The following IQGAP2 variants were observed in gnomAD, a reference collection of about 807,000 sequenced individuals.
IQGAP2 encodes the protein IQ motif containing GTPase activating protein 2, also known as ras GTPase-activating-like protein IQGAP2.
In IQGAP2, 173 loss-of-function variants were observed where a neutral mutation model predicts 201.3. The ratio of observed to expected loss-of-function variants is 0.86; its 90% CI spans 0.76 to 0.98. The LOEUF (loss-of-function observed/expected upper bound fraction) is 0.98. IQGAP2 is among the 50% of genes least tolerant of loss of function. The probability of loss-of-function intolerance (pLI) is 0.00; values close to 1 mark genes in which losing one functional copy is unlikely to be tolerated. For missense variants in IQGAP2, 1,687 were observed against 1,864.8 expected, an observed-to-expected ratio of 0.90 and a Z score of 1.76; for synonymous variants, 675 against 673.9, an observed-to-expected ratio of 1.00 and a Z score of -0.03.
chr5:76,491,794 A>G (rs533648693), intron 2 of IQGAP2, among the ~76,000 whole-genome samples: 1 of 152,188 alleles, frequency 6.6e-6, no homozygotes, highest in South Asian at 2.1e-4. Flanking sequence ...TGCCTAATTT[A>G]TATGTCTCGG....
At chr5:76,653,453 A>C (rs754975517) in intron 18 of IQGAP2, among the ~76,000 whole-genome samples, 20 of 152,194 alleles carry the variant, frequency 1.3e-4, no homozygotes, top group Non-Finnish European at 2.8e-4. Context: ...AAGTAGAATC[A>C]GATTAGTTTA....
At chr5:76,638,634 G>C (rs1261319006) in intron 16 of IQGAP2, among the ~76,000 whole-genome samples, 1 of 152,160 alleles carries the variant, frequency 6.6e-6, no homozygotes, top group Non-Finnish European at 1.5e-5. Flanking sequence ...GCTATTTTCA[G>C]TTTCAGTTCT....
intron 2 of IQGAP2, among the ~76,000 whole-genome samples, chr5:76,546,668 T>C (rs1346806101): frequency 6.6e-6 from 1 of 152,204 alleles, no homozygotes; most frequent in Non-Finnish European, 1.5e-5. Context: ...GCAGCCCTTC[T>C]GCTCTCTGTA....
intron 2 of IQGAP2, among the ~76,000 whole-genome samples, chr5:76,493,700 T>C (rs904851843): frequency 6.6e-6 from 1 of 152,228 alleles, no homozygotes; most frequent in African/African-American, 2.4e-5. Context: ...GCTTCTGTTT[T>C]GTTTAACGAT....
At chr5:76,613,175 C>T (rs1426191076) in intron 13 of IQGAP2, among the ~76,000 whole-genome samples, 3 of 152,188 alleles carry the variant, frequency 2.0e-5, no homozygotes, top group Admixed American at 6.5e-5. Flanking sequence ...AGGCTCAGGG[C>T]GAATGCCTGG....
At chr5:76,601,025 A>G in intron 11 of IQGAP2, 53 bp downstream of exon 11, 1 of 1,562,236 alleles carries the variant, frequency 6.4e-7, no homozygotes, top group Non-Finnish European at 8.8e-7. Flanking sequence ...TGTTTGGCAG[A>G]TCTTAAAAGT....
intron 14 of IQGAP2, among the ~76,000 whole-genome samples, chr5:76,629,778 T>C (rs1750546968): frequency 1.3e-5 from 2 of 152,196 alleles, no homozygotes. Context: ...AGCCTGCTGG[T>C]ATATGGCTTA....
At chr5:76,530,598 A>T (rs1216210834) in intron 2 of IQGAP2, among the ~76,000 whole-genome samples, 1 of 152,200 alleles carries the variant, frequency 6.6e-6, no homozygotes, top group Non-Finnish European at 1.5e-5. Flanking sequence ...AAATTGTGTT[A>T]TGTACATAAA....
At chr5:76,590,784 G>A (rs1178051138) in intron 8 of IQGAP2, among the ~76,000 whole-genome samples, 198 bp downstream of exon 8, 2 of 152,066 alleles carry the variant, frequency 1.3e-5, no homozygotes, top group Non-Finnish European at 2.9e-5. Context: ...CCCTATATAA[G>A]GCATAAAAAG....
intron 2 of IQGAP2, among the ~76,000 whole-genome samples, chr5:76,550,299 T>C (rs535378115): frequency 1.2e-3 from 178 of 151,880 alleles, no homozygotes; most frequent in Non-Finnish European, 2.2e-3. Context: ...CTGAAAATAA[T>C]TCTTTTTACA....
intron 16 of IQGAP2, among the ~76,000 whole-genome samples, chr5:76,640,456 A>G (rs960620399): frequency 1.1e-4 from 17 of 152,112 alleles, no homozygotes; most frequent in Non-Finnish European, 1.9e-4. Context: ...GCCCCAGAGC[A>G]TCATTCTGAG....
At chr5:76,484,314 C>T (rs1490914412) in intron 2 of IQGAP2, among the ~76,000 whole-genome samples, 4 of 152,156 alleles carry the variant, frequency 2.6e-5, no homozygotes, top group Non-Finnish European at 4.4e-5. Flanking sequence ...TAACCTAGTC[C>T]AGCTGCCATT....
chr5:76,508,004 CAA>C (rs35283673), intron 2 of IQGAP2, among the ~76,000 whole-genome samples: 1,100 of 63,304 alleles, frequency 0.017, 8 homozygotes, highest in African/African-American at 0.051. Context: ...GACTCCTTCT[CAA>C]AAAAAAAAAA....
chr5:76,582,828 C>CTTTTGGTATTTTT (rs1745969704), intron 5 of IQGAP2, among the ~76,000 whole-genome samples: 1 of 152,128 alleles, frequency 6.6e-6, no homozygotes, highest in Non-Finnish European at 1.5e-5. Context: ...ATGATATACA[C>CTTTTGGTATTTTT]TAAATGGTAT....
intron 16 of IQGAP2, among the ~76,000 whole-genome samples, chr5:76,638,936 G>A (rs1751356546): frequency 6.6e-6 from 1 of 152,140 alleles, no homozygotes; most frequent in Non-Finnish European, 1.5e-5. Flanking sequence ...TAAAGTCAGA[G>A]GAATGTGAAA....
chr5:76,539,324 C>T (rs1487922477), intron 2 of IQGAP2, among the ~76,000 whole-genome samples: 1 of 152,154 alleles, frequency 6.6e-6, no homozygotes, highest in Non-Finnish European at 1.5e-5. Flanking sequence ...CCTCAGTGGG[C>T]CTGCCACTCC....
chr5:76,497,755 C>T (rs575025543), intron 2 of IQGAP2, among the ~76,000 whole-genome samples: 7 of 152,232 alleles, frequency 4.6e-5, no homozygotes, highest in South Asian at 2.1e-4. Flanking sequence ...TTGGAGATTA[C>T]GATACCACAA....
chr5:76,577,521 A>C (rs1032758829), intron 5 of IQGAP2, among the ~76,000 whole-genome samples: 8 of 152,200 alleles, frequency 5.3e-5, no homozygotes, highest in African/African-American at 1.9e-4. Flanking sequence ...TATCTTCAAA[A>C]GCAATATTTA....
At chr5:76,606,508 G>T (rs1747817425) in intron 12 of IQGAP2, 1 of 325,188 alleles carries the variant, frequency 3.1e-6, no homozygotes, top group East Asian at 4.6e-5. Flanking sequence ...GCCTACACAA[G>T]AATTCATAAT....
Sources: allele counts gnomAD v4.1 joint callset (sites outside exome capture counted in the v4.1 genomes callset), GRCh38; gene constraint gnomAD v4.1.1; transcripts MANE v1.5; gene names NCBI Gene and HGNC (gene_info 2026-07-23, HGNC 2026-07-21).